YTHDC1: variants seen among roughly 807,000 people sequenced by gnomAD.
YTHDC1 encodes the protein YTH domain-containing protein 1.
YTHDC1 carries 12 observed loss-of-function variants against 107.0 expected under a neutral mutation model. The observed-to-expected ratio is 0.11, with a 90% CI of 0.07 to 0.18. The LOEUF is 0.18. YTHDC1 is among the 10% of genes least tolerant of loss of function. YTHDC1 has a pLI of 1.00. For missense variants in YTHDC1, 635 were observed against 898.8 expected (o/e 0.71, Z 3.75); for synonymous variants, 280 against 289.5 (o/e 0.97, Z 0.33).
chr4:68,342,750 T>C (rs1325860452), intron 1 of YTHDC1, among the ~76,000 whole-genome samples: 1 of 152,188 alleles, frequency 6.6e-6, no homozygotes, highest in Non-Finnish European at 1.5e-5. Flanking sequence ...TTTTTTAACG[T>C]AGAATGAATT....
chr4:68,343,989 T>C (rs1725137508), intron 1 of YTHDC1: 1 of 152,096 alleles, frequency 6.6e-6, no homozygotes, highest in Non-Finnish European at 1.5e-5. Context: ...ATTCTAAGGA[T>C]TTAATATGAA....
intron 8 of YTHDC1, 34 bp downstream of exon 8, chr4:68,330,168 T>C: frequency 6.4e-7 from 1 of 1,568,584 alleles, no homozygotes; most frequent in Non-Finnish European, 8.7e-7. Flanking sequence ...ATATAATTAA[T>C]GTTTTTATAT....
At chr4:68,349,223 A>G (rs1228016712) in intron 1 of YTHDC1, among the ~76,000 whole-genome samples, 1 of 152,222 alleles carries the variant, frequency 6.6e-6, no homozygotes. Context: ...CACTTTGCCT[A>G]TTTAACAGGA....
At chr4:68,340,105 A>G (rs1724648596) in intron 1 of YTHDC1, among the ~76,000 whole-genome samples, 2 of 152,182 alleles carry the variant, frequency 1.3e-5, no homozygotes, top group African/African-American at 2.4e-5. Context: ...AAAAAAACAA[A>G]GCCCACATGA....
rs1721287486 is a variant in YTHDC1 at position 68,311,299 on chromosome 4, G to C, written c.*2800C>G. On this transcript the variant is annotated 3_prime_UTR_variant, in exon 17 of 17. Transcript: ENST00000344157. ...TTTTCTGAAAAATTAGACCATGCTT[G>C]AAAAAAAGCCATTATGGAGGAAATC... 6.6e-6 allele frequency: 1 copy of C among 151,754 alleles called. No homozygotes were observed. Among genetic ancestry groups the C allele is most frequent in the African/African-American group, 2.4e-5 (1 of 41,344 alleles). 9.4% of individuals were successfully genotyped at this position (151,754 alleles called of 1,614,324 possible).
intron 1 of YTHDC1, among the ~76,000 whole-genome samples, chr4:68,341,026 T>G (rs1724747876): frequency 6.6e-6 from 1 of 152,094 alleles, no homozygotes; most frequent in Non-Finnish European, 1.5e-5. Flanking sequence ...AACCAATGCT[T>G]ACTACTTTTT....
intron 1 of YTHDC1, chr4:68,343,966 G>A (rs1725135626): frequency 6.6e-6 from 1 of 152,070 alleles, no homozygotes; most frequent in South Asian, 2.1e-4. Flanking sequence ...GCTCTTGAAT[G>A]CTGTTTTTAA....
intron 9 of YTHDC1, among the ~76,000 whole-genome samples, chr4:68,327,413 T>G (rs1560483641): frequency 8.9e-6 from 1 of 112,684 alleles, no homozygotes; most frequent in Non-Finnish European, 2.0e-5. Flanking sequence ...TAAGTCGCTT[T>G]TTATGCCTCC....
chr4:68,337,363 G>A lies in YTHDC1; in HGVS notation c.547C>T (p.His183Tyr). The change falls in exon 4 of 17, where the codon CAT becomes TAT. Residue 183 changes from histidine to tyrosine, a missense_variant. Transcript: ENST00000344157. The part of the protein sequence containing the change: ...EVNSEEYGSD[H>Y]ETGSSGSSDE... ...GAAGAACCACTGCTGCCAGTCTCAT[G>A]GTCAGAGCCATATTCTTCAGAGTTC... 6.2e-7 allele frequency: 1 copy of A among 1,614,020 alleles called. No individual in the cohort carries two copies. The highest frequency in any genetic ancestry group is 8.5e-7 in the Non-Finnish European group (1 of 1,180,006).
chr4:68,337,057 C>G lies in YTHDC1; in HGVS notation c.853G>C (p.Val285Leu). Residue 285 changes from valine (V) to leucine (L), a missense_variant, in exon 4 of 17, where the codon GTC becomes CTC. Val to Leu is a conservative substitution (Grantham distance 32). Transcript: ENST00000344157. ...SESVSFTDGS[V>L]RSGSGTDGSD... ...CCATCTGTGCCTGAACCAGATCTGA[C>G]AGACCCATCTGTGAAGGAAACAGAT... 1.2e-6 allele frequency: 2 copies of G among 1,613,184 alleles called. No homozygotes were observed. The highest frequency in any genetic ancestry group is 1.7e-6 in the Non-Finnish European group (2 of 1,179,556).
At chr4:68,333,250 G>A (rs1000991861) in intron 5 of YTHDC1, 58 bp downstream of exon 5, 61 of 1,350,062 alleles carry the variant, frequency 4.5e-5, no homozygotes, top group South Asian at 4.0e-4. Context: ...GCCTCCACAC[G>A]CTTTCTAAAG....
At chr4:68,328,321 T>C (rs1402248817) in intron 9 of YTHDC1, among the ~76,000 whole-genome samples, 2 of 152,192 alleles carry the variant, frequency 1.3e-5, no homozygotes, top group Admixed American at 6.5e-5. Context: ...AGCAGTCACA[T>C]ACACACACAA....
intron 1 of YTHDC1, among the ~76,000 whole-genome samples, chr4:68,343,209 T>G (rs928763902): frequency 1.2e-4 from 18 of 151,968 alleles, no homozygotes; most frequent in Non-Finnish European, 2.4e-4. Context: ...TTTTAATTTG[T>G]TTTTTTGGAG....
At chr4:68,321,933 T>A (rs909154523) in intron 11 of YTHDC1, among the ~76,000 whole-genome samples, 3 of 152,176 alleles carry the variant, frequency 2.0e-5, no homozygotes, top group Admixed American at 2.0e-4. Flanking sequence ...TTAAACCCCC[T>A]TTTTCTGGAA....
At chr4:68,325,047 G>T (rs1722834079) in intron 9 of YTHDC1, among the ~76,000 whole-genome samples, 1 of 152,222 alleles carries the variant, frequency 6.6e-6, no homozygotes, top group Non-Finnish European at 1.5e-5. Flanking sequence ...ATTTGATAAG[G>T]TTTTATCTGC....
rs1216771348 is a variant in YTHDC1 at position 68,312,623 on chromosome 4, T to C, written c.*1476A>G. The C allele has an allele frequency of 6.6e-6, 1 of 152,254 alleles. No homozygotes were observed. Among genetic ancestry groups the C allele is most frequent in the Non-Finnish European group, 1.5e-5 (1 of 68,038 alleles). The allele number at this position is 152,254 out of a possible 1,614,324, so 9.4% of individuals were successfully genotyped here. On this transcript the variant is annotated 3_prime_UTR_variant, in exon 17 of 17. Transcript: ENST00000344157. The stretch of plus-strand genomic sequence containing the variant: ...GAATGCAGGGAAAGATACTACATGC[T>C]GGTATGAATATGAATGCAGTATAAC...
chr4:68,324,151 T>C lies in YTHDC1; in HGVS notation c.1422A>G (p.Gly474=). 1 of 1,613,736 alleles carries C rather than the reference T, an allele frequency of 6.2e-7. No individual in the cohort carries two copies. The highest frequency in any genetic ancestry group is 8.5e-7 in the Non-Finnish European group (1 of 1,179,796). Reference sequence around the variant, plus strand: ...TAAGGCCACAAACCTGTCCATCACGTCCGATCTTTACTGGTTTATGTTCAT... The same window carrying C: ...TAAGGCCACAAACCTGTCCATCACGCCCGATCTTTACTGGTTTATGTTCAT... ...PWNEHKPVKI[G]RDGQEIELEC... The change falls in exon 10 of 17, where the codon GGA becomes GGG. Residue 474 remains glycine (G), a synonymous_variant. Coordinates refer to ENST00000344157, the MANE Select transcript of YTHDC1 (RefSeq NM_001031732.4).
chr4:68,327,352 T>C (rs766834040), intron 9 of YTHDC1, among the ~76,000 whole-genome samples: 3 of 152,202 alleles, frequency 2.0e-5, no homozygotes, highest in Non-Finnish European at 4.4e-5. Context: ...GGATGAATAG[T>C]ATTTCATAGA....
chr4:68,347,778 A>T (rs1725614590), intron 1 of YTHDC1, among the ~76,000 whole-genome samples: 2 of 152,168 alleles, frequency 1.3e-5, no homozygotes, highest in South Asian at 4.1e-4. Flanking sequence ...AGAGAGGAAG[A>T]CCTAAGTATT....
Sources: gnomAD v4.1 joint callset for allele counts (sites outside exome capture counted in the v4.1 genomes callset) on GRCh38, gnomAD v4.1.1 for gene constraint, MANE v1.5 for transcripts, NCBI Gene and HGNC (gene_info 2026-07-23, HGNC 2026-07-21) for gene names.